Variants in DLG2 observed in about 807,000 individuals in gnomAD.
DLG2 encodes the protein disks large homolog 2.
A neutral mutation model predicts 132.5 loss-of-function variants in DLG2; 45 were observed. That is an observed-to-expected ratio of 0.34 (90% CI 0.27 to 0.44). The LOEUF (loss-of-function observed/expected upper bound fraction) is 0.44. DLG2 is among the 20% of genes least tolerant of loss of function. The pLI is 1.00. For missense variants in DLG2, 1,045 were observed against 1,196.9 expected (o/e 0.87, Z 1.87); for synonymous variants, 424 against 419.6 (o/e 1.01, Z -0.13).
intron 7 of DLG2, among the ~76,000 whole-genome samples, chr11:84,438,044 G>A (rs542257269): frequency 6.6e-6 from 1 of 152,142 alleles, no homozygotes; most frequent in Non-Finnish European, 1.5e-5. Flanking sequence ...CCATGAATCT[G>A]CCCCTGCAGG....
chr11:83,471,742 A>G lies in DLG2; in HGVS notation c.2345-15T>C, dbSNP rs763227280. 3 of 1,600,576 alleles carry G rather than the reference A, an allele frequency of 1.9e-6. No homozygotes were observed. Among genetic ancestry groups the G allele is most frequent in the Admixed American group, 1.7e-5 (1 of 59,730 alleles). On this transcript the variant is annotated splice_polypyrimidine_tract_variant and intron_variant, in intron 23 of 27. Transcript: ENST00000376104. ...GGTGTAGTTTACTGCAGAATGGGAAAGGAAGATGTAGGTAAAGAGAAAGAG... is the reference window on the plus strand; with the variant it reads ...GGTGTAGTTTACTGCAGAATGGGAAGGGAAGATGTAGGTAAAGAGAAAGAG...
In DLG2 at chr11:85,153,946, T is replaced by C. The variant is rs558731428; in HGVS notation, c.282+610A>G. ...TATGAAAACAAGTTTCTCTAATATA[T>C]TTTTCAGCATTTATTTAATTTAGCT... On this transcript the variant is annotated intron_variant, in intron 5 of 27. Transcript: ENST00000376104. Among the ~76,000 whole-genome samples the C allele has an allele frequency of 3.6e-4, 55 of 152,198 alleles. 2 individuals carry two copies. The South Asian group carries it at 0.011, about 31-fold the overall frequency.
At chr11:83,868,212 G>C (rs1046552631) in intron 16 of DLG2, among the ~76,000 whole-genome samples, 6 of 152,144 alleles carry the variant, frequency 3.9e-5, no homozygotes, top group African/African-American at 1.4e-4. Flanking sequence ...CAAACTTTTT[G>C]AGTCCTTCCA....
At chr11:83,917,599 A>C (rs1313954306) in intron 15 of DLG2, among the ~76,000 whole-genome samples, 3 of 152,202 alleles carry the variant, frequency 2.0e-5, no homozygotes, top group African/African-American at 7.2e-5. Context: ...CAAGAGAACA[A>C]GGATGAAATC....
intron 6 of DLG2, among the ~76,000 whole-genome samples, chr11:84,984,115 C>T (rs2056153712): frequency 6.6e-6 from 1 of 152,128 alleles, no homozygotes; most frequent in Admixed American, 6.5e-5. Context: ...ACTTCCCTGG[C>T]CTTGCTAGAG....
intron 3 of DLG2, among the ~76,000 whole-genome samples, chr11:85,380,477 T>C (rs530541380): frequency 1.3e-5 from 2 of 152,144 alleles, no homozygotes; most frequent in Non-Finnish European, 2.9e-5. Flanking sequence ...CTGACCGACA[T>C]GGAGAAACCC....
At chr11:83,687,570 G>A (rs919973769) in intron 18 of DLG2, among the ~76,000 whole-genome samples, 10 of 151,982 alleles carry the variant, frequency 6.6e-5, no homozygotes, top group Non-Finnish European at 1.5e-4. Context: ...TATTGTTTTG[G>A]TATTGTTCTT....
intron 6 of DLG2, among the ~76,000 whole-genome samples, chr11:84,685,784 C>A (rs937682645): frequency 1.3e-5 from 2 of 152,106 alleles, no homozygotes; most frequent in African/African-American, 4.8e-5. Flanking sequence ...CGGCTCACTG[C>A]AAGCTCCGCC....
In DLG2 at chr11:83,962,939, G is replaced by C. The variant is rs1487789201; in HGVS notation, c.1286C>G (p.Pro429Arg). ...CTTTGGAATTGGTGAGTACCTTCCTGGAGAGATGGGTGGCAGGGAGGTTTT... is the reference window on the plus strand; with the variant it reads ...CTTTGGAATTGGTGAGTACCTTCCTCGAGAGATGGGTGGCAGGGAGGTTTT... ...EYKTSLPPISPGRYSPIPKHM... is the reference protein window; with the variant it reads ...EYKTSLPPISRGRYSPIPKHM... Residue 429 changes from proline to arginine, a missense_variant, in exon 14 of 28, where the codon CCA becomes CGA. By Grantham distance (103) the Pro-to-Arg change is moderately radical. Transcript: ENST00000376104. 6.2e-7 allele frequency: 1 copy of C among 1,613,266 alleles called. No homozygotes were observed. Among genetic ancestry groups the C allele is most frequent in the African/African-American group, 1.3e-5 (1 of 75,006 alleles).
chr11:85,622,800 C>T (rs1050169381), intron 2 of DLG2, among the ~76,000 whole-genome samples: 2 of 152,178 alleles, frequency 1.3e-5, no homozygotes, highest in Non-Finnish European at 2.9e-5. Flanking sequence ...TGGCTCATGC[C>T]TGTAATCCCA....
intron 6 of DLG2, among the ~76,000 whole-genome samples, chr11:84,861,618 C>CAAAAAAAAAAAAAAAAAA (rs1177657034): frequency 2.2e-4 from 8 of 35,834 alleles, no homozygotes; most frequent in African/African-American, 6.4e-4. Context: ...TTCTACACAG[C>CAAAAAAAAAAAAAAAAAA]AAAAAAAAAA....
chr11:84,689,413 G>T (rs1222946313), intron 6 of DLG2, among the ~76,000 whole-genome samples: 2 of 151,974 alleles, frequency 1.3e-5, no homozygotes, highest in African/African-American at 4.8e-5. Flanking sequence ...AAGATGTACT[G>T]TACAATCATC....
intron 8 of DLG2, among the ~76,000 whole-genome samples, chr11:84,182,871 T>C (rs569746316): frequency 2.0e-5 from 3 of 151,522 alleles, no homozygotes; most frequent in Non-Finnish European, 4.4e-5. Flanking sequence ...AGAAAAAAAA[T>C]GACAAAATTG....
chr11:84,919,131 G>T (rs1031807100), intron 6 of DLG2, among the ~76,000 whole-genome samples: 2 of 152,000 alleles, frequency 1.3e-5, no homozygotes, highest in African/African-American at 2.4e-5. Flanking sequence ...TCTTATTGAA[G>T]GCAACTCTGA....
At chr11:83,678,028 T>C (rs1474658464) in intron 18 of DLG2, among the ~76,000 whole-genome samples, 1 of 152,176 alleles carries the variant, frequency 6.6e-6, no homozygotes, top group Non-Finnish European at 1.5e-5. Flanking sequence ...ATAAGGAAAA[T>C]ACACCTGAAA....
At chr11:84,319,282 T>C (rs534453918) in intron 7 of DLG2, among the ~76,000 whole-genome samples, 2 of 151,778 alleles carry the variant, frequency 1.3e-5, no homozygotes, top group Admixed American at 6.6e-5. Flanking sequence ...AAGAAAACCC[T>C]AGAGAACTTT....
chr11:84,133,308 C>A (rs1040675397), intron 9 of DLG2, among the ~76,000 whole-genome samples: 14 of 151,952 alleles, frequency 9.2e-5, no homozygotes, highest in African/African-American at 2.7e-4. Flanking sequence ...ATATTCTATT[C>A]TTATTATTGA....
intron 4 of DLG2, among the ~76,000 whole-genome samples, chr11:85,226,505 A>G (rs1053902488): frequency 6.6e-6 from 1 of 152,108 alleles, no homozygotes; most frequent in African/African-American, 2.4e-5. Flanking sequence ...GTGAGCTATG[A>G]TCTCGCCACT....
At chr11:84,136,965 A>T (rs2094624843) in intron 9 of DLG2, among the ~76,000 whole-genome samples, 1 of 152,162 alleles carries the variant, frequency 6.6e-6, no homozygotes, top group South Asian at 2.1e-4. Flanking sequence ...CCAAATGCAG[A>T]ACTGAAGGGA....
Sources: allele counts gnomAD v4.1 joint callset (sites outside exome capture counted in the v4.1 genomes callset), GRCh38; gene constraint gnomAD v4.1.1; transcripts MANE v1.5; gene names NCBI Gene and HGNC (gene_info 2026-07-23, HGNC 2026-07-21).